The following ADARB1 variants were observed in gnomAD, a reference collection of about 807,000 sequenced individuals.
The protein encoded by ADARB1 is double-stranded RNA-specific editase 1.
In ADARB1, 10 loss-of-function variants were observed where a neutral mutation model predicts 52.4. The observed-to-expected ratio is 0.19, with a 90% CI of 0.12 to 0.32. The LOEUF (loss-of-function observed/expected upper bound fraction) is 0.32. Among genes scored for constraint, ADARB1 ranks in the 10% least tolerant of loss-of-function variants. The probability of loss-of-function intolerance (pLI) is 1.00; values close to 1 mark genes in which losing one functional copy is unlikely to be tolerated. For synonymous variants in ADARB1, 349 were observed against 371.1 expected (o/e 0.94, Z 0.68); for missense variants, 643 against 922.3 (o/e 0.70, Z 3.92).
intron 2 of ADARB1, among the ~76,000 whole-genome samples, chr21:45,136,753 G>A (rs1488774723): frequency 1.3e-5 from 2 of 152,264 alleles, no homozygotes; most frequent in East Asian, 3.8e-4. Flanking sequence ...CTTGGTGTGT[G>A]CGCTGCAGGG....
intron 1 of ADARB1, among the ~76,000 whole-genome samples, chr21:45,095,263 T>C (rs943701220): frequency 8.5e-5 from 13 of 152,352 alleles, no homozygotes; most frequent in African/African-American, 3.1e-4. Flanking sequence ...CAGCCCAGGC[T>C]GCGCTCCCTG....
intron 2 of ADARB1, among the ~76,000 whole-genome samples, chr21:45,132,659 G>C (rs559274697): frequency 3.9e-4 from 59 of 152,298 alleles, no homozygotes; most frequent in African/African-American, 1.3e-3. Flanking sequence ...TGACACTCCA[G>C]ATGTGGGGTT....
intron 6 of ADARB1, 90 bp downstream of exon 6, chr21:45,182,843 T>A: frequency 8.1e-7 from 1 of 1,227,310 alleles, no homozygotes; most frequent in Non-Finnish European, 1.1e-6. Context: ...ATTGTTTCTG[T>A]AATCATGGAA....
At chr21:45,139,208 ACTGCTCCCAGC>A (rs1311830944) in intron 2 of ADARB1, among the ~76,000 whole-genome samples, 4 of 152,124 alleles carry the variant, frequency 2.6e-5, no homozygotes, top group African/African-American at 7.2e-5. Context: ...GGCGTGAGTC[ACTGCTCCCAGC>A]CTTGTTTGTC....
rs751670846 is a variant in ADARB1, at chr21:45,179,858, C to T, written c.964-472C>T. Among the ~76,000 whole-genome samples the T allele has an allele frequency of 7.1e-4, 108 of 152,284 alleles. No homozygotes were observed. The Middle Eastern group carries it at 0.014, about 19-fold the overall frequency. ...TCTTGCCTTTGATTTTGCACATCAT[C>T]CTGGGCTGTGCTCCCAGCTGTGTGT... On this transcript the variant is annotated intron_variant, in intron 4 of 10. Coordinates refer to ENST00000348831, the MANE Select transcript of ADARB1 (RefSeq NM_001112.4).
chr21:45,102,684 A>T (rs1430271315), intron 1 of ADARB1, among the ~76,000 whole-genome samples: 1 of 152,236 alleles, frequency 6.6e-6, no homozygotes, highest in African/African-American at 2.4e-5. Context: ...GTAGTATTGG[A>T]TTATAGCCCA....
chr21:45,165,265 C>T (rs1039272813), intron 2 of ADARB1, among the ~76,000 whole-genome samples: 1 of 152,128 alleles, frequency 6.6e-6, no homozygotes, highest in Non-Finnish European at 1.5e-5. Context: ...TAACTGACAC[C>T]TCTGCATGTT....
intron 2 of ADARB1, among the ~76,000 whole-genome samples, chr21:45,135,642 A>G (rs1385572805): frequency 1.3e-5 from 2 of 152,274 alleles, no homozygotes; most frequent in Non-Finnish European, 2.9e-5. Context: ...ATTTAGGTCG[A>G]AAAGCAAAGT....
rs113180444 is a variant in ADARB1 at position 45,085,912 on chromosome 21, C to G, written c.-220+11119C>G. ...TCCCGTGCAGCTCACCTTGAATTCT[C>G]CATGCACGAATCAGCCATAGGCACG... is the stretch of plus-strand genomic sequence containing the variant. On this transcript the variant is annotated intron_variant, in intron 1 of 10. Transcript: ENST00000348831. Among the ~76,000 whole-genome samples the G allele has an allele frequency of 2.3e-3, 354 of 152,338 alleles. 2 individuals carry two copies. Among genetic ancestry groups the G allele is most frequent in the African/African-American group, 7.7e-3 (320 of 41,572 alleles).
chr21:45,074,596 C>CGGCGGCGGCGGCGGCGGCG lies in ADARB1; in HGVS notation c.-416_-415insGCGGCGGCGGCGGCGGCGG, dbSNP rs1568982717. 8.0e-6 allele frequency: 1 copy of CGGCGGCGGCGGCGGCGGCG among 125,030 alleles called. No individual in the cohort carries two copies. Among genetic ancestry groups the CGGCGGCGGCGGCGGCGGCG allele is most frequent in the Non-Finnish European group, 1.8e-5 (1 of 56,912 alleles). 7.7% of individuals were successfully genotyped at this position (125,030 alleles called of 1,614,324 possible). On this transcript the variant is annotated 5_prime_UTR_variant, in exon 1 of 11. Transcript: ENST00000348831. Reference sequence around the variant, plus strand: ...GGCGGGGCTGAGGCGCTGAGGCGGCCGTGGCGGCGGCGGCGGCGGCGGCGG... The same window carrying CGGCGGCGGCGGCGGCGGCG: ...GGCGGGGCTGAGGCGCTGAGGCGGCCGGCGGCGGCGGCGGCGGCGGTGGCGGCGGCGGCGGCGGCGGCGG...
At chr21:45,120,439 C>A (rs551693985) in intron 1 of ADARB1, among the ~76,000 whole-genome samples, 1 of 152,324 alleles carries the variant, frequency 6.6e-6, no homozygotes, top group Non-Finnish European at 1.5e-5. Context: ...GATTGAATGC[C>A]TGCTCTGGAG....
chr21:45,101,285 G>C (rs547760348), intron 1 of ADARB1, among the ~76,000 whole-genome samples: 1 of 152,160 alleles, frequency 6.6e-6, no homozygotes, highest in South Asian at 2.1e-4. Context: ...TGTGCCCTGC[G>C]CGCGGGCGGG....
intron 1 of ADARB1, chr21:45,100,357 C>T (rs919773759): frequency 3.3e-5 from 5 of 152,208 alleles, no homozygotes; most frequent in Admixed American, 6.5e-5. Context: ...CTGCATTGCA[C>T]TGAACACCAG....
intron 1 of ADARB1, among the ~76,000 whole-genome samples, chr21:45,093,516 T>C (rs2123694564): frequency 6.6e-6 from 1 of 152,376 alleles, no homozygotes; most frequent in Non-Finnish European, 1.5e-5. Context: ...TGGGTTTTTC[T>C]GCCGCCTCTT....
In ADARB1 at chr21:45,172,804, C is replaced by T. The variant is rs945179151; in HGVS notation, c.28+1120C>T. ...CTCACCTCACTTCCGCTGTTGTGTG[C>T]GCAGCCCGTGCCTGCCTGCTGGTGA... On this transcript the variant is annotated intron_variant, in intron 3 of 10. Coordinates refer to ENST00000348831, the MANE Select transcript of ADARB1 (RefSeq NM_001112.4). The surrounding 1 kb of genome is among the most constrained non-coding windows in gnomAD (Gnocchi z 4.4). 3.9e-5 allele frequency among the ~76,000 whole-genome samples: 6 copies of T among 152,184 alleles called. No individual in the cohort carries two copies. The highest frequency in any genetic ancestry group is 1.2e-4 in the African/African-American group (5 of 41,434).
At chr21:45,149,907 T>A (rs2090197104) in intron 2 of ADARB1, among the ~76,000 whole-genome samples, 1 of 152,232 alleles carries the variant, frequency 6.6e-6, no homozygotes, top group Non-Finnish European at 1.5e-5. Flanking sequence ...AACAGAGACA[T>A]GGCCACGAAG....
At chr21:45,215,224 T>A (rs2092838723) in intron 9 of ADARB1, among the ~76,000 whole-genome samples, 1 of 152,036 alleles carries the variant, frequency 6.6e-6, no homozygotes, top group African/African-American at 2.4e-5. Flanking sequence ...ATTTTTAAAT[T>A]TTTTATAGAG....
chr21:45,162,705 C>T (rs551367169), intron 2 of ADARB1, among the ~76,000 whole-genome samples: 7 of 152,330 alleles, frequency 4.6e-5, no homozygotes, highest in Admixed American at 2.6e-4. Flanking sequence ...TGCCCATGAG[C>T]GCTCCTTCAT....
chr21:45,107,093 T>C (rs1458863450), intron 1 of ADARB1, among the ~76,000 whole-genome samples: 1 of 152,006 alleles, frequency 6.6e-6, no homozygotes, highest in African/African-American at 2.4e-5. Context: ...ACAAAAATAA[T>C]CAGAAGATAT....
Sources: gnomAD v4.1 joint callset for allele counts (sites outside exome capture counted in the v4.1 genomes callset) on GRCh38, gnomAD v4.1.1 for gene constraint, Gnocchi (gnomAD v3.1) non-coding constraint, MANE v1.5 for transcripts, NCBI Gene and HGNC (gene_info 2026-07-23, HGNC 2026-07-21) for gene names.